The following DHRSX variants were observed in gnomAD, a reference collection of about 807,000 sequenced individuals.
DHRSX encodes the protein dehydrogenase/reductase X-linked.
Under a neutral mutation model 34.0 loss-of-function variants are expected in DHRSX, and 31 were observed. The observed-to-expected ratio is 0.91, with a 90% CI of 0.69 to 1.23. The LOEUF (loss-of-function observed/expected upper bound fraction) is 1.23, where lower values mean the gene tolerates loss of function less well. DHRSX is among the 50% of genes most tolerant of loss of function. The probability of loss-of-function intolerance (pLI) is 0.00; values close to 1 mark genes in which losing one functional copy is unlikely to be tolerated. For missense variants in DHRSX, 414 were observed against 428.1 expected (o/e 0.97, Z 0.29); for synonymous variants, 201 against 183.8 (o/e 1.09, Z -0.76).
intron 3 of DHRSX, among the ~76,000 whole-genome samples, chrX:2,353,899 A>T (rs2042817431): frequency 6.6e-6 from 1 of 152,004 alleles, no homozygotes; most frequent in Non-Finnish European, 1.5e-5. Context: ...GGGCCAGCAA[A>T]TTATATGTAT....
chrX:2,304,918 C>A (rs780989855), intron 3 of DHRSX, among the ~76,000 whole-genome samples: 2 of 152,042 alleles, frequency 1.3e-5, no homozygotes, highest in Non-Finnish European at 2.9e-5. Context: ...ATGTTCATTG[C>A]AGCACTATTC....
chrX:2,431,388 CCT>C (rs2043920991), intron 1 of DHRSX, among the ~76,000 whole-genome samples: 1 of 151,630 alleles, frequency 6.6e-6, no homozygotes, highest in Admixed American at 6.6e-5. Flanking sequence ...TTGACAGACA[CCT>C]AAGTTTGATT....
chrX:2,346,038 C>G (rs1467794543), intron 3 of DHRSX, among the ~76,000 whole-genome samples: 2 of 152,276 alleles, frequency 1.3e-5, no homozygotes, highest in Admixed American at 1.3e-4. Context: ...TATCCTTGTT[C>G]TGTAAGAAAT....
At chrX:2,226,791 T>A in intron 6 of DHRSX, among the ~76,000 whole-genome samples, 1 of 149,060 alleles carries the variant, frequency 6.7e-6, no homozygotes, top group East Asian at 2.0e-4. Flanking sequence ...CGAGATGCCA[T>A]CTCAAAAAAA....
At chrX:2,358,918 C>T (rs1225071432) in intron 3 of DHRSX, among the ~76,000 whole-genome samples, 1 of 149,556 alleles carries the variant, frequency 6.7e-6, no homozygotes, top group Non-Finnish European at 1.5e-5. Context: ...CACCGCACTC[C>T]AGCCTGGGCG....
intron 2 of DHRSX, among the ~76,000 whole-genome samples, chrX:2,413,151 C>T (rs5939212): frequency 0.33 from 50,107 of 151,720 alleles, 9,547 homozygotes; most frequent in East Asian, 0.65. Flanking sequence ...GCCGAGATTG[C>T]GCCACTGCAC....
chrX:2,434,240 C>T (rs1015126881), intron 1 of DHRSX, among the ~76,000 whole-genome samples: 1 of 152,186 alleles, frequency 6.6e-6, no homozygotes, highest in African/African-American at 2.4e-5. Flanking sequence ...TCATCAATCA[C>T]ATGGAATAGG....
At chrX:2,290,451 G>A (rs1261738701) in intron 4 of DHRSX, among the ~76,000 whole-genome samples, 3 of 152,056 alleles carry the variant, frequency 2.0e-5, no homozygotes, top group Non-Finnish European at 4.4e-5. Context: ...TAGCACAAGG[G>A]GTTTTGCAGA....
chrX:2,260,928 G>A (rs184489003), intron 5 of DHRSX, among the ~76,000 whole-genome samples: 190 of 152,270 alleles, frequency 1.2e-3, no homozygotes, highest in Middle Eastern at 3.4e-3. Flanking sequence ...AGTTAATGGT[G>A]GTCGGGTGTG....
intron 3 of DHRSX, among the ~76,000 whole-genome samples, chrX:2,313,675 T>G: frequency 6.6e-6 from 1 of 152,242 alleles, no homozygotes; most frequent in East Asian, 1.9e-4. Context: ...CCGTGATTTA[T>G]AATTGTTGAT....
intron 1 of DHRSX, among the ~76,000 whole-genome samples, chrX:2,482,298 T>G (rs2044786119): frequency 6.6e-6 from 1 of 152,018 alleles, no homozygotes; most frequent in Admixed American, 6.6e-5. Flanking sequence ...CCAGCTAATT[T>G]TTTTATTGTT....
intron 2 of DHRSX, among the ~76,000 whole-genome samples, chrX:2,421,796 C>T (rs1355617731): frequency 3.3e-5 from 5 of 152,166 alleles, no homozygotes; most frequent in African/African-American, 7.2e-5. Flanking sequence ...ACGCATGAGG[C>T]CCAGGACCAG....
At chrX:2,325,270 G>T (rs1657780204) in intron 3 of DHRSX, among the ~76,000 whole-genome samples, 1 of 151,872 alleles carries the variant, frequency 6.6e-6, no homozygotes, top group South Asian at 2.1e-4. Context: ...TCAAGATGGC[G>T]GCTCCATCTT....
At chrX:2,476,644 C>T (rs192350267) in intron 1 of DHRSX, among the ~76,000 whole-genome samples, 12 of 152,178 alleles carry the variant, frequency 7.9e-5, no homozygotes, top group Admixed American at 3.3e-4. Flanking sequence ...CTCAAAACAA[C>T]GCCACGTAGA....
At chrX:2,444,279 C>T (rs2044100000) in intron 1 of DHRSX, among the ~76,000 whole-genome samples, 1 of 152,208 alleles carries the variant, frequency 6.6e-6, no homozygotes, top group Non-Finnish European at 1.5e-5. Flanking sequence ...TGCAAGCACA[C>T]ACCCCTTAAG....
chrX:2,232,409 T>A (rs1363429874), intron 6 of DHRSX, among the ~76,000 whole-genome samples: 1 of 152,026 alleles, frequency 6.6e-6, no homozygotes, highest in Non-Finnish European at 1.5e-5. Context: ...GAGAACTATC[T>A]TCTTTTGTCC....
intron 5 of DHRSX, among the ~76,000 whole-genome samples, chrX:2,249,172 A>C (rs2016373131): frequency 6.7e-6 from 1 of 149,666 alleles, no homozygotes; most frequent in Admixed American, 6.8e-5. Context: ...CATGCAACTC[A>C]ATCTTTAAAA....
intron 1 of DHRSX, among the ~76,000 whole-genome samples, chrX:2,456,832 T>A (rs1485916344): frequency 6.6e-6 from 1 of 152,064 alleles, no homozygotes; most frequent in Non-Finnish European, 1.5e-5. Context: ...AGGTTCTGAA[T>A]CTCTGATCTG....
chrX:2,485,052 G>T (rs189278402), intron 1 of DHRSX, among the ~76,000 whole-genome samples: 154 of 152,218 alleles, frequency 1.0e-3, no homozygotes, highest in Middle Eastern at 3.4e-3. Flanking sequence ...TCTGCAAAGT[G>T]GGGGGGAAAC....
Sources: allele counts gnomAD v4.1 joint callset (sites outside exome capture counted in the v4.1 genomes callset), GRCh38; gene constraint gnomAD v4.1.1; transcripts MANE v1.5; gene names NCBI Gene and HGNC (gene_info 2026-07-23, HGNC 2026-07-21).